C2orf42: variants seen among roughly 807,000 people sequenced by gnomAD.
The protein encoded by C2orf42 is uncharacterized protein C2orf42.
C2orf42 carries 44 observed loss-of-function variants against 58.9 expected under a neutral mutation model. The observed-to-expected ratio is 0.75, with a 90% CI of 0.59 to 0.96. C2orf42 has a LOEUF of 0.96. C2orf42 is among the 40% of genes least tolerant of loss of function. The pLI is 0.00. For missense variants in C2orf42, 630 were observed against 699.2 expected (o/e 0.90, Z 1.12); for synonymous variants, 239 against 265.4 (o/e 0.90, Z 0.97).
chr2:70,165,013 CA>C, intron 8 of C2orf42, 78 bp downstream of exon 8: 1 of 616,838 alleles, frequency 1.6e-6, no homozygotes, highest in Middle Eastern at 2.7e-4. Flanking sequence ...CTCAAGGAAC[CA>C]GTGCAAATAT....
chr2:70,175,577 G>A, intron 5 of C2orf42, 96 bp downstream of exon 5: 1 of 788,436 alleles, frequency 1.3e-6, no homozygotes. Flanking sequence ...TTTATGCTGG[G>A]ACTCTTTGGG....
rs1673914631 is a variant in C2orf42, at chr2:70,172,763, A to G, written c.1039+2910T>C. 2.0e-5 allele frequency among the ~76,000 whole-genome samples: 3 copies of G among 152,204 alleles called. No homozygotes were observed. In the South Asian group the frequency reaches 6.2e-4, roughly 31 times the overall value. On this transcript the variant is annotated intron_variant, in intron 5 of 9. Transcript: ENST00000264434. Reference sequence around the variant, plus strand: ...CACCTTTTGTAGAGATAATGCCTCAATGACTATTCATTTAAAACTAAGATT... The same window carrying G: ...CACCTTTTGTAGAGATAATGCCTCAGTGACTATTCATTTAAAACTAAGATT...
Position 70,181,366 on chromosome 2 carries a change from G to T in C2orf42, c.620C>A (p.Ser207Tyr), listed in dbSNP as rs779889295. 1 of 1,614,138 alleles carries T rather than the reference G, an allele frequency of 6.2e-7. No individual in the cohort carries two copies. The change falls in exon 3 of 10, where the codon TCT (serine) becomes TAT (tyrosine). Residue 207 changes from serine to tyrosine, a missense_variant. Transcript: ENST00000264434. ...QKHSLGYLHTSFVQKVSGKSL... is the reference protein window; with the variant it reads ...QKHSLGYLHTYFVQKVSGKSL... ...TTTGCCACTGACTTTCTGCACAAAA[G>T]ATGTATGCAAATACCCCAAACTGTG...
intron 8 of C2orf42, among the ~76,000 whole-genome samples, chr2:70,164,355 T>C (rs1673260596): frequency 6.6e-6 from 1 of 151,018 alleles, no homozygotes; most frequent in African/African-American, 2.4e-5. Context: ...TTTTAAAGGG[T>C]CATTTCTCGG....
chr2:70,176,113 T>A (rs1413180258), intron 4 of C2orf42, among the ~76,000 whole-genome samples: 1 of 152,210 alleles, frequency 6.6e-6, no homozygotes, highest in African/African-American at 2.4e-5. Context: ...GTAGTTGTGA[T>A]TTTACCAGAG....
chr2:70,161,875 TTGGTTGCCC>T (rs1673072199), intron 8 of C2orf42, among the ~76,000 whole-genome samples: 1 of 150,694 alleles, frequency 6.6e-6, no homozygotes, highest in African/African-American at 2.4e-5. Context: ...AAGGTCTCAC[TTGGTTGCCC>T]CTGCTGGAGT....
At chr2:70,182,095 A>C in intron 2 of C2orf42, 98 bp from the exon 3 acceptor site, 1 of 650,374 alleles carries the variant, frequency 1.5e-6, no homozygotes, top group South Asian at 2.0e-5. Flanking sequence ...AATATAAAAA[A>C]GCTATCTACT....
At chr2:70,166,674 G>GA (rs1488960312) in intron 6 of C2orf42, among the ~76,000 whole-genome samples, 5 of 151,208 alleles carry the variant, frequency 3.3e-5, no homozygotes, top group Admixed American at 2.6e-4. Context: ...AGACTCCACT[G>GA]AAAAAAAAGA....
Position 70,182,769 on chromosome 2 carries a change from T to G in C2orf42, c.-115A>C, listed in dbSNP as rs1177776196. 6.6e-6 allele frequency: 1 copy of G among 152,186 alleles called. No individual in the cohort carries two copies. Among genetic ancestry groups the G allele is most frequent in the African/African-American group, 2.4e-5 (1 of 41,444 alleles). 9.4% of individuals were successfully genotyped at this position (152,186 alleles called of 1,614,324 possible). ...AATGATCAGGTGAAAACACGATCAT[T>G]TGCAGACTAATGATAACTGCTTAAC... On this transcript the variant is annotated 5_prime_UTR_variant, in exon 2 of 10. Transcript: ENST00000264434.
At chr2:70,162,693 G>GA (rs1255370325) in intron 8 of C2orf42, among the ~76,000 whole-genome samples, 1 of 151,766 alleles carries the variant, frequency 6.6e-6, no homozygotes, top group Non-Finnish European at 1.5e-5. Context: ...GGCTGGTCTT[G>GA]AACTCCTGGC....
At chr2:70,170,355 T>C (rs947758569) in intron 5 of C2orf42, among the ~76,000 whole-genome samples, 18 of 151,854 alleles carry the variant, frequency 1.2e-4, no homozygotes, top group African/African-American at 4.4e-4. Context: ...TAAGCGATTC[T>C]CATGCCTCAG....
At chr2:70,165,676 A>T (rs1478400781) in intron 6 of C2orf42, 41 bp from the exon 7 acceptor site, 2 of 1,104,586 alleles carry the variant, frequency 1.8e-6, no homozygotes, top group African/African-American at 1.5e-5. Context: ...AAAGAAACTC[A>T]GTGGACTTTC....
chr2:70,181,844 C>T lies in C2orf42; in HGVS notation c.142G>A (p.Gly48Arg). The change falls in exon 3 of 10, where the codon GGA (glycine) becomes AGA (arginine). Residue 48 changes from glycine to arginine, a missense_variant. Physicochemically the swap from Gly to Arg is moderately radical, Grantham distance 125. Coordinates refer to ENST00000264434, the MANE Select transcript of C2orf42 (RefSeq NM_017880.3). ...RGLSCKNKTCGTIFRYGARKQ... is the reference protein window; with the variant it reads ...RGLSCKNKTCRTIFRYGARKQ... ...CGTGCACCGTAGCGGAATATGGTTCCACATGTCTTGTTCTTACAGCTCAGT... is the reference window on the plus strand; with the variant it reads ...CGTGCACCGTAGCGGAATATGGTTCTACATGTCTTGTTCTTACAGCTCAGT... 6.2e-7 allele frequency: 1 copy of T among 1,614,090 alleles called. No individual in the cohort carries two copies. Among genetic ancestry groups the T allele is most frequent in the Non-Finnish European group, 8.5e-7 (1 of 1,179,990 alleles).
chr2:70,159,050 G>C (rs1298969878), intron 9 of C2orf42, among the ~76,000 whole-genome samples: 1 of 149,208 alleles, frequency 6.7e-6, no homozygotes, highest in African/African-American at 2.5e-5. Flanking sequence ...ACCGCGCCCA[G>C]CTAATTTTTT....
chr2:70,174,677 CT>C (rs547885328), intron 5 of C2orf42, among the ~76,000 whole-genome samples: 20 of 144,812 alleles, frequency 1.4e-4, no homozygotes, highest in Admixed American at 1.4e-4. Flanking sequence ...CCCCCTCTTT[CT>C]TTTTTTTTTG....
chr2:70,176,990 G>C (rs917221819), intron 4 of C2orf42, among the ~76,000 whole-genome samples: 5 of 152,052 alleles, frequency 3.3e-5, no homozygotes, highest in African/African-American at 1.2e-4. Flanking sequence ...TCAGAAGTGG[G>C]GCCGGGCATG....
chr2:70,157,729 G>A (rs972451616), intron 9 of C2orf42, among the ~76,000 whole-genome samples: 12 of 151,902 alleles, frequency 7.9e-5, no homozygotes, highest in African/African-American at 2.2e-4. Flanking sequence ...CCCGGGAGGC[G>A]GAGGTTGCAG....
At chr2:70,185,675 T>C (rs1674879411) in intron 1 of C2orf42, among the ~76,000 whole-genome samples, 1 of 151,638 alleles carries the variant, frequency 6.6e-6, no homozygotes, top group South Asian at 2.1e-4. Context: ...ATCGCACCAC[T>C]GCACTTCAGC....
At chr2:70,187,592 T>C (rs1432558945) in intron 1 of C2orf42, among the ~76,000 whole-genome samples, 1 of 152,204 alleles carries the variant, frequency 6.6e-6, no homozygotes, top group East Asian at 1.9e-4. Context: ...GCAGGCGATT[T>C]GTGAGTATCT....
Sources: gnomAD v4.1 joint callset for allele counts (sites outside exome capture counted in the v4.1 genomes callset) on GRCh38, gnomAD v4.1.1 for gene constraint, MANE v1.5 for transcripts, NCBI Gene and HGNC (gene_info 2026-07-23, HGNC 2026-07-21) for gene names.